Variants in HAS3 observed in about 807,000 individuals in gnomAD.
HAS3 encodes the protein hyaluronan synthase 3.
HAS3 carries 27 observed loss-of-function variants against 50.3 expected under a neutral mutation model. The observed-to-expected ratio is 0.54, with a 90% CI of 0.40 to 0.74. HAS3 has a LOEUF of 0.74. HAS3 is among the 30% of genes least tolerant of loss of function. The pLI is 0.00. For synonymous variants in HAS3, 339 were observed against 310.9 expected (o/e 1.09, Z -0.95); for missense variants, 517 against 742.8 (o/e 0.70, Z 3.53).
chr16:69,115,359 C>T lies in HAS3; in HGVS notation c.*93C>T, dbSNP rs1026371349. The T allele has an allele frequency of 4.1e-6, 6 of 1,447,882 alleles. No homozygotes were observed. Among genetic ancestry groups the T allele is most frequent in the Middle Eastern group, 4.4e-4 (2 of 4,572 alleles). The allele number at this position is 1,447,882 out of a possible 1,614,324, so 89.7% of individuals were successfully genotyped here. On this transcript the variant is annotated 3_prime_UTR_variant, in exon 4 of 4. Coordinates refer to ENST00000569188, the MANE Select transcript of HAS3 (RefSeq NM_001199280.2). ...ACAGGGTGGGAGGGAGGAGGGAGTG[C>T]TGTGTTTTAGTCTCTTAATGGTCCA... is the stretch of plus-strand genomic sequence containing the variant.
chr16:69,091,664 G>A, the HAS3 span, among the ~76,000 whole-genome samples: 10 of 152,168 alleles, frequency 6.6e-5, no homozygotes, highest in Non-Finnish European at 1.2e-4. Context: ...ACAGGGACAC[G>A]CTAATATGCT....
downstream of HAS3, chr16:69,118,669 C>T: frequency 4.4e-6 from 3 of 684,124 alleles, no homozygotes; most frequent in Middle Eastern, 5.3e-4. Flanking sequence ...CCACAGTTCA[C>T]ATGCCACAAA....
At chr16:69,113,633 TC>T (rs1961082235) in intron 3 of HAS3, 91 bp downstream of exon 3, 1 of 765,476 alleles carries the variant, frequency 1.3e-6, no homozygotes, top group South Asian at 1.7e-5. Flanking sequence ...TGTCTTGACT[TC>T]CTAGTATTGG....
chr16:69,114,416 G>A lies in HAS3; in HGVS notation c.812G>A (p.Arg271Gln), dbSNP rs779509564. 5 of 1,612,712 alleles carry A rather than the reference G, an allele frequency of 3.1e-6. No homozygotes were observed. The highest frequency in any genetic ancestry group is 3.4e-6 in the Non-Finnish European group (4 of 1,180,004). ...TACTGGATGGCCTTCAACGTGGAGC[G>A]GGCCTGCCAGTCCTACTTTGGCTGT... The part of the protein sequence containing the change: ...VRYWMAFNVE[R>Q]ACQSYFGCVQ... Residue 271 changes from arginine (R) to glutamine (Q), a missense_variant, in exon 4 of 4, where the codon CGG becomes CAG. By Grantham distance (43) the Arg-to-Gln change is conservative. Transcript: ENST00000569188. The surrounding 1 kb of genome is among the most constrained non-coding windows in gnomAD (Gnocchi z 6.4).
the HAS3 span, chr16:69,084,618 T>C: frequency 6.6e-6 from 1 of 152,372 alleles, no homozygotes; most frequent in African/African-American, 2.4e-5. Context: ...TGCATTTTGA[T>C]TGCAGCTAAA....
intron 2 of HAS3, among the ~76,000 whole-genome samples, chr16:69,112,126 C>A (rs1961024458): frequency 6.6e-6 from 1 of 152,240 alleles, no homozygotes; most frequent in African/African-American, 2.4e-5. Flanking sequence ...CCTAACCTTG[C>A]TCAGTTAGAA....
At chr16:69,113,922 A>G (rs910246664) in intron 3 of HAS3, among the ~76,000 whole-genome samples, 19 of 152,186 alleles carry the variant, frequency 1.2e-4, no homozygotes, top group African/African-American at 4.3e-4. Flanking sequence ...TACGGTAAGA[A>G]TAAGGGCCCC....
At chr16:69,103,152 T>G (rs1203955723), upstream of HAS3, among the ~76,000 whole-genome samples, 3 of 152,170 alleles carry the variant, frequency 2.0e-5, no homozygotes, top group African/African-American at 4.8e-5. Flanking sequence ...CATGAGGCCC[T>G]CCCTCCACAG....
chr16:69,089,548 G>A, the HAS3 span, among the ~76,000 whole-genome samples: 2 of 152,162 alleles, frequency 1.3e-5, no homozygotes, highest in Non-Finnish European at 2.9e-5. Context: ...TGCAGTGCGC[G>A]GCACCTCTGC....
Position 69,114,616 on chromosome 16 carries a change from A to C in HAS3, c.1012A>C (p.Lys338Gln), listed in dbSNP as rs1483090349. 5 of 1,614,020 alleles carry C rather than the reference A, an allele frequency of 3.1e-6. No individual in the cohort carries two copies. Among genetic ancestry groups the C allele is most frequent in the Admixed American group, 1.7e-5 (1 of 60,004 alleles). Reference protein sequence around the residue: ...GYRTKYTARSKCLTETPTKYL... With the variant: ...GYRTKYTARSQCLTETPTKYL... Reference sequence around the variant, plus strand: ...CCGAACTAAGTATACCGCGCGCTCCAAGTGCCTCACAGAGACCCCCACTAA... The same window carrying C: ...CCGAACTAAGTATACCGCGCGCTCCCAGTGCCTCACAGAGACCCCCACTAA... The change falls in exon 4 of 4, where the codon AAG becomes CAG. Residue 338 changes from lysine (K) to glutamine (Q), a missense_variant. Transcript: ENST00000569188. The surrounding 1 kb of genome is among the most constrained non-coding windows in gnomAD (Gnocchi z 6.4).
the HAS3 span, among the ~76,000 whole-genome samples, chr16:69,100,360 C>T: frequency 1.3e-5 from 2 of 152,102 alleles, no homozygotes; most frequent in Non-Finnish European, 2.9e-5. Flanking sequence ...TGCTACTATT[C>T]GGGAGCCATT....
At chr16:69,118,086 C>G (rs1961289929), downstream of HAS3, 3 of 532,632 alleles carry the variant, frequency 5.6e-6, no homozygotes, top group South Asian at 6.9e-5. Flanking sequence ...CCTTGCACAC[C>G]AGGCCGAACA....
intron 2 of HAS3, among the ~76,000 whole-genome samples, chr16:69,111,371 C>T (rs1399884218): frequency 6.6e-6 from 1 of 152,056 alleles, no homozygotes; most frequent in Non-Finnish European, 1.5e-5. Context: ...CGCACCTGGC[C>T]TAGGCCAGGA....
Position 69,106,024 on chromosome 16 carries a change from C to G in HAS3, c.-1+237C>G, listed in dbSNP as rs1489928189. 3.9e-5 allele frequency among the ~76,000 whole-genome samples: 6 copies of G among 152,296 alleles called. No individual in the cohort carries two copies. The highest frequency in any genetic ancestry group is 1.4e-4 in the African/African-American group (6 of 41,576). ...CGCAGGGGCTGCGAGTCTTGCGAGC[C>G]GGAGCCGCGTCCACCCGGGACTAGG... On this transcript the variant is annotated intron_variant, in intron 1 of 3. Coordinates refer to ENST00000569188, the MANE Select transcript of HAS3 (RefSeq NM_001199280.2). This position sits in a 1 kb window ranked among gnomAD's most constrained non-coding sequence, Gnocchi z 5.5.
At chr16:69,086,854 A>G in the HAS3 span, among the ~76,000 whole-genome samples, 1 of 152,000 alleles carries the variant, frequency 6.6e-6, no homozygotes, top group African/African-American at 2.4e-5. Flanking sequence ...TGGTGAGCCG[A>G]GATTGCGCCA....
Position 69,117,191 on chromosome 16 carries a change from A to G in HAS3, c.*1925A>G, listed in dbSNP as rs768427144. 241 of 985,768 alleles carry G rather than the reference A, an allele frequency of 2.4e-4. No individual in the cohort carries two copies. Among genetic ancestry groups the G allele is most frequent in the Non-Finnish European group, 2.8e-4 (235 of 829,952 alleles). 61.1% of individuals were successfully genotyped at this position (985,768 alleles called of 1,614,324 possible). On this transcript the variant is annotated 3_prime_UTR_variant, in exon 4 of 4. Transcript: ENST00000569188. ...TATTTTGAGCATTAGAATGGAGGAA[A>G]TCCGGTCAGCCAAGTGCAGAGTTCA...
At position 69,111,157 on chromosome 16, in the gene HAS3, A is replaced by ATTTTTTT. The variant is rs71148963; in HGVS notation, c.636+1152_636+1158dup. Among the ~76,000 whole-genome samples the ATTTTTTT allele has an allele frequency of 2.2e-3, 137 of 62,296 alleles. 17 individuals carry two copies. The highest frequency in any genetic ancestry group is 2.6e-3 in the Non-Finnish European group (95 of 36,518). The allele number at this position is 62,296 out of a possible 152,430, so 40.9% of individuals were successfully genotyped here. A position where few individuals can be genotyped will look rare whatever the true frequency, so the allele number is the denominator to read the frequency against. ...TAGGACCCTGGATTTCTAGGCCAGG[A>ATTTTTTT]TTTTTTTTTTTTTTTTTTTTTTTTT... On this transcript the variant is annotated intron_variant, in intron 2 of 3. Transcript: ENST00000569188.
chr16:69,118,435 C>CCAA, downstream of HAS3: 1 of 1,611,364 alleles, frequency 6.2e-7, no homozygotes, highest in East Asian at 2.2e-5. Context: ...GGTCCGTTCA[C>CCAA]CAACGCCACG....
chr16:69,093,296 C>T, the HAS3 span, among the ~76,000 whole-genome samples: 16 of 152,218 alleles, frequency 1.1e-4, no homozygotes, highest in Admixed American at 7.2e-4. Context: ...CCTGCAATCT[C>T]CACCTCCCGA....
Sources: allele counts gnomAD v4.1 joint callset (sites outside exome capture counted in the v4.1 genomes callset), GRCh38; gene constraint gnomAD v4.1.1; non-coding constraint Gnocchi (gnomAD v3.1); transcripts MANE v1.5; gene names NCBI Gene and HGNC (gene_info 2026-07-23, HGNC 2026-07-21).